KIFBP: variants seen among roughly 807,000 people sequenced by gnomAD.
KIFBP encodes KIF-binding protein.
KIFBP carries 46 observed loss-of-function variants against 58.9 expected under a neutral mutation model. That is an observed-to-expected ratio of 0.78 (90% CI 0.62 to 1.00). The LOEUF (loss-of-function observed/expected upper bound fraction) is 1.00, where lower values mean the gene tolerates loss of function less well. Among genes scored for constraint, KIFBP ranks in the 50% least tolerant of loss-of-function variants. KIFBP has a pLI of 0.00. For synonymous variants in KIFBP, 241 were observed against 283.4 expected (o/e 0.85, Z 1.50); for missense variants, 651 against 752.9 (o/e 0.86, Z 1.58).
chr10:68,999,264 A>G (rs1246607306), intron 1 of KIFBP, among the ~76,000 whole-genome samples: 1 of 142,032 alleles, frequency 7.0e-6, no homozygotes, highest in Non-Finnish European at 1.5e-5. Context: ...CTCCTGGCTA[A>G]TTTTTATGTT....
At chr10:69,008,090 G>A (rs1434717926) in intron 4 of KIFBP, among the ~76,000 whole-genome samples, 1 of 152,080 alleles carries the variant, frequency 6.6e-6, no homozygotes, top group South Asian at 2.1e-4. Flanking sequence ...ATTTGCCTTT[G>A]TATAGTAGGA....
intron 6 of KIFBP, among the ~76,000 whole-genome samples, chr10:69,012,188 T>C (rs993681227): frequency 6.6e-6 from 1 of 152,218 alleles, no homozygotes; most frequent in Admixed American, 6.5e-5. Flanking sequence ...TTCGTAGCTA[T>C]GTCTTTGTGG....
At chr10:69,003,715 T>C (rs1843497067) in intron 2 of KIFBP, among the ~76,000 whole-genome samples, 1 of 152,168 alleles carries the variant, frequency 6.6e-6, no homozygotes, top group Non-Finnish European at 1.5e-5. Flanking sequence ...TGGAATCTGG[T>C]TTTAATGTCC....
intron 2 of KIFBP, among the ~76,000 whole-genome samples, chr10:69,001,330 G>C (rs1843462657): frequency 6.6e-6 from 1 of 152,092 alleles, no homozygotes; most frequent in South Asian, 2.1e-4. Flanking sequence ...AGGGGTCACA[G>C]CCTGCAAAGG....
chr10:69,016,931 GA>G lies in KIFBP; in HGVS notation c.*520del. 6.5e-6 allele frequency: 1 copy of G among 152,854 alleles called. No individual in the cohort carries two copies. Among genetic ancestry groups the G allele is most frequent in the Admixed American group, 6.5e-5 (1 of 15,384 alleles). The allele number at this position is 152,854 out of a possible 1,614,324, so 9.5% of individuals were successfully genotyped here. On this transcript the variant is annotated 3_prime_UTR_variant, in exon 7 of 7. Transcript: ENST00000361983. ...AAAATGGTTTGTCTTAATTATAGGA[GA>G]AAAAGGCCTTGTTAGAAATAAAATA...
intron 4 of KIFBP, 84 bp downstream of exon 4, chr10:69,005,999 T>C: frequency 8.0e-7 from 1 of 1,256,378 alleles, no homozygotes; most frequent in Non-Finnish European, 1.1e-6. Context: ...AATACTATCT[T>C]TTAAAAACAG....
intron 5 of KIFBP, among the ~76,000 whole-genome samples, chr10:69,010,091 CTTTA>C (rs1843575376): frequency 6.6e-6 from 1 of 152,000 alleles, no homozygotes; most frequent in Non-Finnish European, 1.5e-5. Context: ...TAATAATTCA[CTTTA>C]TTTAAAGTAA....
intron 6 of KIFBP, among the ~76,000 whole-genome samples, chr10:69,011,683 CTTTTTTTTTTTTTTTT>C (rs34786287): frequency 1.5e-3 from 63 of 42,542 alleles, no homozygotes; most frequent in African/African-American, 4.0e-3. Context: ...TGTGCCTAAT[CTTTTTTTTTTTTTTTT>C]TTTTTTTTTT....
intron 1 of KIFBP, among the ~76,000 whole-genome samples, chr10:68,990,897 A>G (rs1843336698): frequency 6.6e-6 from 1 of 152,166 alleles, no homozygotes; most frequent in South Asian, 2.1e-4. Context: ...ACAGTACACA[A>G]TTATTAAAAA....
chr10:69,008,677 A>G (rs901193315), intron 4 of KIFBP, among the ~76,000 whole-genome samples, 164 bp from the exon 5 acceptor site: 7 of 151,976 alleles, frequency 4.6e-5, no homozygotes, highest in African/African-American at 1.5e-4. Context: ...ATATGATAAT[A>G]TATCTTTTGT....
At chr10:69,004,296 G>C (rs1843506676) in intron 2 of KIFBP, among the ~76,000 whole-genome samples, 1 of 151,482 alleles carries the variant, frequency 6.6e-6, no homozygotes, top group African/African-American at 2.4e-5. Flanking sequence ...ACTTTGGGAG[G>C]CTGAGGCAGG....
chr10:69,000,181 G>T (rs1843450569), intron 1 of KIFBP, among the ~76,000 whole-genome samples: 2 of 152,038 alleles, frequency 1.3e-5, no homozygotes, highest in Non-Finnish European at 2.9e-5. Flanking sequence ...ACTAAAACCA[G>T]CCTGTACTCA....
intron 2 of KIFBP, among the ~76,000 whole-genome samples, chr10:69,004,780 C>T (rs1389462218): frequency 6.6e-6 from 1 of 152,024 alleles, no homozygotes; most frequent in Non-Finnish European, 1.5e-5. Flanking sequence ...AGGAGGATTG[C>T]TTGAGGTGGG....
rs1214183378 is a variant in KIFBP, at chr10:68,998,769, A to ATT, written c.427-1654_427-1653insTT. Among the ~76,000 whole-genome samples the ATT allele has an allele frequency of 8.9e-5, 9 of 101,400 alleles. No individual in the cohort carries two copies. The East Asian group carries it at 1.3e-3, about 14-fold the overall frequency. 66.5% of individuals were successfully genotyped at this position (101,400 alleles called of 152,430 possible). A position where few individuals can be genotyped will look rare whatever the true frequency, so the allele number is the denominator to read the frequency against. The stretch of plus-strand genomic sequence containing the variant: ...TACATACATATATGTATATATATAT[A>ATT]TATTTTTTTTTTTTTTTTTTTTTTG... On this transcript the variant is annotated intron_variant, in intron 1 of 6. Coordinates refer to ENST00000361983, the MANE Select transcript of KIFBP (RefSeq NM_015634.4).
rs1394437242 is a variant in KIFBP at position 69,008,833 on chromosome 10, C to G, written c.790-8C>G. 1.9e-6 allele frequency: 3 copies of G among 1,607,620 alleles called. No homozygotes were observed. Among genetic ancestry groups the G allele is most frequent in the East Asian group, 2.2e-5 (1 of 44,788 alleles). On this transcript the variant is annotated splice_region_variant and splice_polypyrimidine_tract_variant and intron_variant, in intron 4 of 6. Transcript: ENST00000361983. ...AGTTGCATTCACTGTTGTTTATTTC[C>G]CCAATAGCTATGCTTTATGGAGGCC...
At chr10:69,005,169 T>G (rs1340393041) in intron 3 of KIFBP, 44 bp downstream of exon 3, 8 of 1,356,710 alleles carry the variant, frequency 5.9e-6, no homozygotes, top group Non-Finnish European at 8.5e-6. Context: ...TTTCCACATA[T>G]CATAGATTAG....
rs569714135 is a variant in KIFBP at position 69,014,201 on chromosome 10, C to A, written c.991-1340C>A. Among the ~76,000 whole-genome samples, 10 of 152,246 alleles carry A rather than the reference C, an allele frequency of 6.6e-5. No homozygotes were observed. In the South Asian group the frequency reaches 2.1e-3, roughly 32 times the overall value. ...CTGTGCTAGTCATTGGCCAAGGATA[C>A]TATGATGAACAAAAATGAACCTAGC... On this transcript the variant is annotated intron_variant, in intron 6 of 6. Coordinates refer to ENST00000361983, the MANE Select transcript of KIFBP (RefSeq NM_015634.4).
chr10:69,015,998 A>G lies in KIFBP; in HGVS notation c.1448A>G (p.Asp483Gly). 6.2e-7 allele frequency: 1 copy of G among 1,614,122 alleles called. No homozygotes were observed. Among genetic ancestry groups the G allele is most frequent in the Non-Finnish European group, 8.5e-7 (1 of 1,180,016 alleles). ...IQFEIAHAYY[D>G]MMDLKVAIAD... ...TTTGAAATTGCACATGCTTACTATGATATGATGGATTTGAAGGTTGCCATT... is the reference window on the plus strand; with the variant it reads ...TTTGAAATTGCACATGCTTACTATGGTATGATGGATTTGAAGGTTGCCATT... Residue 483 changes from aspartate to glycine, a missense_variant, in exon 7 of 7, where the codon GAT becomes GGT. Physicochemically the swap from Asp to Gly is moderately conservative, Grantham distance 94 (BLOSUM62 -1). Coordinates refer to ENST00000361983, the MANE Select transcript of KIFBP (RefSeq NM_015634.4).
chr10:68,999,050 G>T (rs1161625323), intron 1 of KIFBP, among the ~76,000 whole-genome samples: 1 of 151,142 alleles, frequency 6.6e-6, no homozygotes, highest in Admixed American at 6.6e-5. Context: ...CAAAGTGCTG[G>T]GATTACAGGT....
Sources: allele counts gnomAD v4.1 joint callset (sites outside exome capture counted in the v4.1 genomes callset), GRCh38; gene constraint gnomAD v4.1.1; transcripts MANE v1.5; gene names NCBI Gene and HGNC (gene_info 2026-07-23, HGNC 2026-07-21).